The following TNC variants were observed in gnomAD, a reference collection of about 807,000 sequenced individuals.
TNC encodes tenascin C.
A neutral mutation model predicts 202.4 loss-of-function variants in TNC; 109 were observed. That is an observed-to-expected ratio of 0.54 (90% CI 0.46 to 0.63). The LOEUF is 0.63. Among genes scored for constraint, TNC ranks in the 30% least tolerant of loss-of-function variants. The pLI is 0.00. For synonymous variants in TNC, 1,007 were observed against 1,089.7 expected (o/e 0.92, Z 1.50); for missense variants, 2,756 against 2,833.3 (o/e 0.97, Z 0.62).
rs1835201349 is a variant in TNC, at chr9:115,091,157, ACAAG to A, written c.-136-7_-136-4del. On this transcript the variant is annotated splice_region_variant and splice_polypyrimidine_tract_variant and intron_variant, in intron 1 of 27. Transcript: ENST00000350763. ...GATCTTCTTGAAAGAATTATTTTCT[ACAAG>A]CAAAGATGAACAAAAAAATTATGAG... 1.4e-6 allele frequency: 1 copy of A among 691,398 alleles called. No homozygotes were observed. The highest frequency in any genetic ancestry group is 1.8e-5 in the African/African-American group (1 of 55,486). The allele number at this position is 691,398 out of a possible 1,614,324, so 42.8% of individuals were successfully genotyped here.
At chr9:115,074,733 T>TTACTACA (rs758059173) in intron 9 of TNC, among the ~76,000 whole-genome samples, 4 of 152,198 alleles carry the variant, frequency 2.6e-5, no homozygotes, top group African/African-American at 4.8e-5. Context: ...AAGACTGTTC[T>TTACTACA]GTATCTTGAC....
At chr9:115,085,465 T>A (rs1030027657) in intron 3 of TNC, among the ~76,000 whole-genome samples, 8 of 152,170 alleles carry the variant, frequency 5.3e-5, no homozygotes, top group Non-Finnish European at 8.8e-5. Flanking sequence ...CAGTGGAGAG[T>A]AGGAAATAAA....
At chr9:115,043,062 TC>T (rs1412778683) in intron 17 of TNC, among the ~76,000 whole-genome samples, 1 of 152,126 alleles carries the variant, frequency 6.6e-6, no homozygotes, top group Non-Finnish European at 1.5e-5. Flanking sequence ...AGTTTCTGCC[TC>T]CCAAAATACC....
At position 115,046,642 on chromosome 9, in the gene TNC, G is replaced by A. The variant is rs753995150; in HGVS notation, c.4893C>T (p.Ala1631=). The change falls in exon 17 of 28, where the codon GCC becomes GCT. Residue 1631 remains alanine, a synonymous_variant. Coordinates refer to ENST00000350763, the MANE Select transcript of TNC (RefSeq NM_002160.4). ...AGGACAGACGGAAACCGTCTGGGGT[G>A]GCATCTGAAACCAGAAGGTTGTCAA... ...PEVDNLLVSD[A]TPDGFRLSWT... is the part of the protein sequence containing the mutation. 2 of 1,613,684 alleles carry A rather than the reference G, an allele frequency of 1.2e-6. No individual in the cohort carries two copies. Among genetic ancestry groups the A allele is most frequent in the South Asian group, 1.1e-5 (1 of 91,044 alleles).
chr9:115,081,816 T>C lies in TNC; in HGVS notation c.2360A>G (p.Lys787Arg), dbSNP rs1296346381. 8 of 1,613,660 alleles carry C rather than the reference T, an allele frequency of 5.0e-6. No individual in the cohort carries two copies. The highest frequency in any genetic ancestry group is 6.8e-6 in the Non-Finnish European group (8 of 1,179,882). The stretch of plus-strand genomic sequence containing the variant: ...CAGGCCAGGGCCCCGGGTATTGTTT[T>C]TCACTATGTGCAGAGATATCTCATA... Reference protein sequence around the residue: ...QEYEISLHIVKNNTRGPGLKR... With the variant: ...QEYEISLHIVRNNTRGPGLKR... The change falls in exon 6 of 28, where the codon AAA becomes AGA. Residue 787 changes from lysine (K) to arginine (R), a missense_variant. By Grantham distance (26) the Lys-to-Arg change is conservative. This residue lies in a region of TNC where 2,559 missense variants were observed against 2,546.0 expected (regional missense o/e 1.01). Transcript: ENST00000350763.
rs117244538 is a variant in TNC at position 115,039,215 on chromosome 9, C to T, written c.5393-835G>A. 9.5e-4 allele frequency among the ~76,000 whole-genome samples: 144 copies of T among 152,290 alleles called. No individual in the cohort carries two copies. The East Asian group carries it at 0.025, about 27-fold the overall frequency. ...GCCAGGCTCTGGAGGCCGGTGGTCCCGGGTTCTACCATGGCTTCTCTGCCT... is the reference window on the plus strand; with the variant it reads ...GCCAGGCTCTGGAGGCCGGTGGTCCTGGGTTCTACCATGGCTTCTCTGCCT... On this transcript the variant is annotated intron_variant, in intron 19 of 27. Coordinates refer to ENST00000350763, the MANE Select transcript of TNC (RefSeq NM_002160.4).
chr9:115,108,471 T>G (rs1354453293), intron 1 of TNC, among the ~76,000 whole-genome samples: 1 of 152,168 alleles, frequency 6.6e-6, no homozygotes, highest in Non-Finnish European at 1.5e-5. Flanking sequence ...CTTCTCTCAT[T>G]TCATTCAGAC....
chr9:115,091,475 T>TCTTTGCCTTATTTCA (rs1328409938), intron 1 of TNC, among the ~76,000 whole-genome samples: 1 of 152,242 alleles, frequency 6.6e-6, no homozygotes, highest in Non-Finnish European at 1.5e-5. Flanking sequence ...ATGTAATTTT[T>TCTTTGCCTTATTTCA]CTTTGCCTTA....
At chr9:115,038,435 T>C (rs2131876846) in intron 19 of TNC, 55 bp from the exon 20 acceptor site, 3 of 1,597,386 alleles carry the variant, frequency 1.9e-6, no homozygotes, top group East Asian at 2.2e-5. Flanking sequence ...CATCAGACTC[T>C]AGCTGCTCTG....
At chr9:115,059,706 A>C in intron 14 of TNC, 24 bp downstream of exon 14, 2 of 1,549,956 alleles carry the variant, frequency 1.3e-6, no homozygotes, top group East Asian at 4.5e-5. Context: ...TTGGGGAGAA[A>C]GCATTGACAG....
In TNC at chr9:115,046,396, T is replaced by A; in HGVS notation, c.5125+14A>T. The A allele has an allele frequency of 6.2e-7, 1 of 1,613,048 alleles. No homozygotes were observed. On this transcript the variant is annotated intron_variant, in intron 17 of 27. Transcript: ENST00000350763. Reference sequence around the variant, plus strand: ...CATGACTTTTCTCTGTTCTCTCCTGTTTATTTACAGTACCTGTTGTTGCTA... The same window carrying A: ...CATGACTTTTCTCTGTTCTCTCCTGATTATTTACAGTACCTGTTGTTGCTA...
In TNC at chr9:115,086,625, C is replaced by G. The variant is rs1201388780; in HGVS notation, c.1106G>C (p.Gly369Ala). Residue 369 changes from glycine (G) to alanine (A), a missense_variant, in exon 3 of 28, where the codon GGT becomes GCT. Around this residue, in one of 2 missense-constraint regions of TNC, gnomAD observed 2,559 missense variants for 2,546.0 expected, o/e 1.01. Transcript: ENST00000350763. ...GQCVCDEGFA[G>A]VDCSEKRCPA... ...ACACCTCTTCTCGCTGCAGTCCACA[C>G]CGGCAAAGCCCTCATCACATACACA... is the stretch of plus-strand genomic sequence containing the variant. The G allele has an allele frequency of 2.5e-6, 4 of 1,614,200 alleles. No individual in the cohort carries two copies. The highest frequency in any genetic ancestry group is 3.3e-5 in the Admixed American group (2 of 60,032).
intron 16 of TNC, among the ~76,000 whole-genome samples, chr9:115,047,812 G>A (rs1013468662): frequency 1.3e-5 from 2 of 152,134 alleles, no homozygotes; most frequent in African/African-American, 4.8e-5. Flanking sequence ...GTTCACATTT[G>A]GTTTTCCAAT....
rs746388207 is a variant in TNC at position 115,086,517 on chromosome 9, T to C, written c.1214A>G (p.Glu405Gly). Residue 405 changes from glutamate to glycine, a missense_variant, in exon 3 of 28, where the codon GAG (glutamate) becomes GGG (glycine). Glu to Gly is a moderately conservative substitution (Grantham distance 98, BLOSUM62 -2). Around this residue, in one of 2 missense-constraint regions of TNC, gnomAD observed 2,559 missense variants for 2,546.0 expected, o/e 1.01. Coordinates refer to ENST00000350763, the MANE Select transcript of TNC (RefSeq NM_002160.4). The stretch of plus-strand genomic sequence containing the variant: ...ACTGCAGCCATTGGGACACTTGAGC[T>C]CCCCACAGTCAGCTCCAGTGAAACC... ...DDGFTGADCG[E>G]LKCPNGCSGH... 4.3e-6 allele frequency: 7 copies of C among 1,613,658 alleles called. No individual in the cohort carries two copies. Among genetic ancestry groups the C allele is most frequent in the Non-Finnish European group, 2.5e-6 (3 of 1,179,984 alleles).
intron 2 of TNC, among the ~76,000 whole-genome samples, chr9:115,089,925 C>A (rs1238546706): frequency 1.3e-5 from 2 of 152,220 alleles, no homozygotes; most frequent in Non-Finnish European, 2.9e-5. Context: ...CCTTAAAGGG[C>A]TGTTGGGAGG....
rs1061495 is a variant in TNC at position 115,042,265 on chromosome 9, T to A, written c.5202A>T (p.Thr1734=). 1 of 1,613,700 alleles carries A rather than the reference T, an allele frequency of 6.2e-7. No individual in the cohort carries two copies. Among genetic ancestry groups the A allele is most frequent in the Non-Finnish European group, 8.5e-7 (1 of 1,179,848 alleles). The change falls in exon 18 of 28, where the codon ACA becomes ACT. Residue 1734 remains threonine, a synonymous_variant. Transcript: ENST00000350763. ...NSATVSWRAP[T]AQVESFRITY... ...TAATCCGGAAGCTCTCCACTTGGGC[T>A]GTGGGTGCCCTCCAGCTGACAGTAG...
At chr9:115,066,590 A>G (rs965787203) in intron 10 of TNC, among the ~76,000 whole-genome samples, 2 of 152,002 alleles carry the variant, frequency 1.3e-5, no homozygotes, top group African/African-American at 4.8e-5. Flanking sequence ...CAGAGCATAC[A>G]CTCCTTCAAA....
chr9:115,074,602 C>A (rs1010251692), intron 9 of TNC, among the ~76,000 whole-genome samples: 1 of 152,160 alleles, frequency 6.6e-6, no homozygotes. Context: ...ATGCAGCATT[C>A]CTTGAAATGG....
chr9:115,061,049 C>T (rs1832505222), intron 13 of TNC, among the ~76,000 whole-genome samples: 1 of 152,018 alleles, frequency 6.6e-6, no homozygotes, highest in South Asian at 2.1e-4. Flanking sequence ...TGGAAAAACC[C>T]ATTGTTTTGT....
Sources: gnomAD v4.1 joint callset for allele counts (sites outside exome capture counted in the v4.1 genomes callset) on GRCh38, gnomAD v4.1.1 for gene constraint, gnomAD v4.1.1 regional missense constraint, MANE v1.5 for transcripts, NCBI Gene and HGNC (gene_info 2026-07-23, HGNC 2026-07-21) for gene names.